Variants in VPS41 observed in about 807,000 individuals in gnomAD.
VPS41 encodes the protein VPS41 subunit of HOPS complex, also known as vacuolar protein sorting-associated protein 41 homolog.
Under a neutral mutation model 130.9 loss-of-function variants are expected in VPS41, and 85 were observed. The observed-to-expected ratio is 0.65, with a 90% CI of 0.55 to 0.78. VPS41 has a LOEUF of 0.78. Among genes scored for constraint, VPS41 ranks in the 30% least tolerant of loss-of-function variants. VPS41 has a pLI of 0.00. For missense variants in VPS41, 874 were observed against 1,018.7 expected (o/e 0.86, Z 1.93); for synonymous variants, 335 against 332.9 (o/e 1.01, Z -0.07).
At chr7:38,782,483 C>T (rs1350492675) in intron 10 of VPS41, among the ~76,000 whole-genome samples, 1 of 152,174 alleles carries the variant, frequency 6.6e-6, no homozygotes, top group East Asian at 1.9e-4. Flanking sequence ...TAAATGTTGT[C>T]TGTGGGTTTT....
intron 6 of VPS41, among the ~76,000 whole-genome samples, chr7:38,820,950 T>C (rs967578684): frequency 2.6e-5 from 4 of 151,504 alleles, no homozygotes; most frequent in East Asian, 3.9e-4. Context: ...TGCGTGCGTG[T>C]GTGTGTGTAT....
chr7:38,873,209 G>A (rs1786410664), intron 2 of VPS41, among the ~76,000 whole-genome samples: 1 of 151,976 alleles, frequency 6.6e-6, no homozygotes, highest in South Asian at 2.1e-4. Context: ...TTAGGCATTT[G>A]ATGTATCATT....
chr7:38,791,663 C>T lies in VPS41; in HGVS notation c.718-1796G>A, dbSNP rs1048691825. Among the ~76,000 whole-genome samples the T allele has an allele frequency of 3.3e-5, 5 of 151,992 alleles. 1 individual carries two copies. In the South Asian group the frequency reaches 8.3e-4, roughly 25 times the overall value. On this transcript the variant is annotated intron_variant, in intron 9 of 28. Coordinates refer to ENST00000310301, the MANE Select transcript of VPS41 (RefSeq NM_014396.4). ...TAGGGCCTTCAACTGGAAGCTCAAT[C>T]GGACAGAAATGAAGGGCATGGGGGA... is the stretch of plus-strand genomic sequence containing the variant.
intron 7 of VPS41, among the ~76,000 whole-genome samples, chr7:38,811,377 A>C (rs899678818): frequency 1.6e-4 from 24 of 152,076 alleles, no homozygotes; most frequent in African/African-American, 5.8e-4. Context: ...TTTATCAAGA[A>C]AATGGTACTT....
chr7:38,828,782 G>C (rs1173394252), intron 5 of VPS41, among the ~76,000 whole-genome samples: 1 of 151,720 alleles, frequency 6.6e-6, no homozygotes, highest in East Asian at 1.9e-4. Context: ...GAAACCAAAG[G>C]TGTTTGACAA....
rs898587321 is a variant in VPS41 at position 38,799,461 on chromosome 7, TA to T, written c.451-2598del. 1.3e-4 allele frequency among the ~76,000 whole-genome samples: 20 copies of T among 151,706 alleles called. No homozygotes were observed. In the East Asian group the frequency reaches 3.5e-3, roughly 26 times the overall value. ...ACTTTATGGGATACAATCAAAGTTGTAAAAAAAAGGAAAATCTAGATTTAAA... is the reference window on the plus strand; with the variant it reads ...ACTTTATGGGATACAATCAAAGTTGTAAAAAAAGGAAAATCTAGATTTAAA... On this transcript the variant is annotated intron_variant, in intron 7 of 28. Coordinates refer to ENST00000310301, the MANE Select transcript of VPS41 (RefSeq NM_014396.4).
Position 38,726,208 on chromosome 7 carries a change from AAAGAGTGGTGACAAGGAGACTGAC to A in VPS41, c.*14_*37del, listed in dbSNP as rs1201047073. 7.0e-7 allele frequency: 1 copy of A among 1,438,338 alleles called. No individual in the cohort carries two copies. Among genetic ancestry groups the A allele is most frequent in the East Asian group, 2.3e-5 (1 of 43,978 alleles). The allele number at this position is 1,438,338 out of a possible 1,614,324, so 89.1% of individuals were successfully genotyped here. On this transcript the variant is annotated 3_prime_UTR_variant, in exon 29 of 29. Transcript: ENST00000310301. ...TTTGTTGTTGCAAAAACAGTCTCAA[AAAGAGTGGTGACAAGGAGACTGAC>A]AAGGAGAAATGAGCTATTTTTTCAT...
At chr7:38,752,582 A>G (rs1029941837) in intron 21 of VPS41, among the ~76,000 whole-genome samples, 1 of 152,196 alleles carries the variant, frequency 6.6e-6, no homozygotes, top group Admixed American at 6.5e-5. Flanking sequence ...TCTGAGACTC[A>G]GTTTATCTAC....
chr7:38,846,678 A>C (rs1006783572), intron 4 of VPS41, among the ~76,000 whole-genome samples: 1 of 152,178 alleles, frequency 6.6e-6, no homozygotes, highest in African/African-American at 2.4e-5. Flanking sequence ...TGTGTGAAAA[A>C]GGGATTAGGG....
intron 6 of VPS41, 32 bp from the exon 7 acceptor site, chr7:38,817,914 AG>A: frequency 6.3e-7 from 1 of 1,583,436 alleles, no homozygotes; most frequent in Non-Finnish European, 8.7e-7. Flanking sequence ...ACTCTGGTTT[AG>A]GAGTCATGGC....
At chr7:38,783,058 G>A (rs1784381860) in intron 10 of VPS41, among the ~76,000 whole-genome samples, 1 of 151,450 alleles carries the variant, frequency 6.6e-6, no homozygotes, top group South Asian at 2.1e-4. Flanking sequence ...CACCCAGGAG[G>A]CAGAGGCTGT....
chr7:38,888,438 C>T (rs1289176773), intron 2 of VPS41, among the ~76,000 whole-genome samples: 5 of 152,138 alleles, frequency 3.3e-5, no homozygotes, highest in Non-Finnish European at 5.9e-5. Context: ...GCAGGTATTA[C>T]ATAATGGTAA....
intron 23 of VPS41, 104 bp downstream of exon 23, chr7:38,745,455 G>T: frequency 5.8e-6 from 5 of 860,400 alleles, no homozygotes; most frequent in African/African-American, 1.7e-5. Context: ...CTCATATTCT[G>T]TGTTACGTTG....
chr7:38,829,812 CAA>C (rs1433966091), intron 5 of VPS41, among the ~76,000 whole-genome samples: 1 of 152,150 alleles, frequency 6.6e-6, no homozygotes, highest in East Asian at 1.9e-4. Context: ...GATTGCTTAT[CAA>C]AAGATTCTAT....
chr7:38,781,468 T>C (rs1463061008), intron 10 of VPS41, among the ~76,000 whole-genome samples: 1 of 152,244 alleles, frequency 6.6e-6, no homozygotes, highest in Non-Finnish European at 1.5e-5. Flanking sequence ...CAGTGTGCTA[T>C]TTTAATTTAT....
chr7:38,811,565 T>C (rs1784942884), intron 7 of VPS41, among the ~76,000 whole-genome samples: 2 of 151,626 alleles, frequency 1.3e-5, no homozygotes, highest in South Asian at 4.2e-4. Flanking sequence ...TCACAAACTA[T>C]TATCACACTT....
In VPS41 at chr7:38,869,227, C is replaced by A. The variant is rs1786293916; in HGVS notation, c.87G>T (p.Lys29Asn). The change falls in exon 3 of 29, where the codon AAG becomes AAT. Residue 29 changes from lysine to asparagine, a missense_variant. Lys to Asn is a moderately conservative substitution (Grantham distance 94). Coordinates refer to ENST00000310301, the MANE Select transcript of VPS41 (RefSeq NM_014396.4). ...CATTGGAAAGCCTTTCATACTTCAG[C>A]TTGGGTTCCTCTTCGCTCTCTTCTT... is the stretch of plus-strand genomic sequence containing the variant. Reference protein sequence around the residue: ...SEEEESEEEPKLKYERLSNGV... With the variant: ...SEEEESEEEPNLKYERLSNGV... 1 of 1,612,234 alleles carries A rather than the reference C, an allele frequency of 6.2e-7. No homozygotes were observed. The highest frequency in any genetic ancestry group is 1.3e-5 in the African/African-American group (1 of 74,900).
intron 3 of VPS41, among the ~76,000 whole-genome samples, chr7:38,867,446 G>A (rs1162301482): frequency 1.3e-5 from 2 of 152,034 alleles, no homozygotes; most frequent in Non-Finnish European, 2.9e-5. Context: ...TTAGGAGGTT[G>A]AGGCAGGAGA....
chr7:38,769,227 G>A (rs1404286066), intron 14 of VPS41, among the ~76,000 whole-genome samples: 3 of 152,064 alleles, frequency 2.0e-5, no homozygotes, highest in East Asian at 3.8e-4. Flanking sequence ...CCTTGCTCTG[G>A]CTGTTCCAAA....
Sources: allele counts gnomAD v4.1 joint callset (sites outside exome capture counted in the v4.1 genomes callset), GRCh38; gene constraint gnomAD v4.1.1; transcripts MANE v1.5; gene names NCBI Gene and HGNC (gene_info 2026-07-23, HGNC 2026-07-21).